The following CAMK2D variants were observed in gnomAD, a reference collection of about 807,000 sequenced individuals.
The protein encoded by CAMK2D is calcium/calmodulin dependent protein kinase II delta.
In CAMK2D, 37 loss-of-function variants were observed where a neutral mutation model predicts 84.0. The ratio of observed to expected loss-of-function variants is 0.44; its 90% CI spans 0.34 to 0.58. CAMK2D has a LOEUF of 0.58. Among genes scored for constraint, CAMK2D ranks in the 20% least tolerant of loss-of-function variants. The probability of loss-of-function intolerance (pLI) is 0.02; values close to 1 mark genes in which losing one functional copy is unlikely to be tolerated. For synonymous variants in CAMK2D, 202 were observed against 212.5 expected, an observed-to-expected ratio of 0.95 and a Z score of 0.43; for missense variants, 448 against 652.5, an observed-to-expected ratio of 0.69 and a Z score of 3.41.
At chr4:113,637,861 TA>T (rs1429358338) in intron 3 of CAMK2D, among the ~76,000 whole-genome samples, 1 of 152,084 alleles carries the variant, frequency 6.6e-6, no homozygotes, top group African/African-American at 2.4e-5. Flanking sequence ...TTTGAAATAA[TA>T]ATAAATACTA....
intron 3 of CAMK2D, among the ~76,000 whole-genome samples, chr4:113,646,406 A>G (rs1487150425): frequency 6.6e-6 from 1 of 152,206 alleles, no homozygotes; most frequent in East Asian, 1.9e-4. Flanking sequence ...CAACAAGTAA[A>G]TATACAAAAT....
chr4:113,714,708 C>G (rs376935808), intron 2 of CAMK2D, among the ~76,000 whole-genome samples: 1 of 152,104 alleles, frequency 6.6e-6, no homozygotes, highest in South Asian at 2.1e-4. Flanking sequence ...TCTACAATTG[C>G]CACTCTTTGT....
chr4:113,632,726 T>C (rs996596989), intron 3 of CAMK2D, among the ~76,000 whole-genome samples: 2 of 152,188 alleles, frequency 1.3e-5, no homozygotes, highest in Non-Finnish European at 2.9e-5. Flanking sequence ...TAGCATAATA[T>C]AGTCAGTAAA....
intron 2 of CAMK2D, among the ~76,000 whole-genome samples, chr4:113,702,681 G>A (rs927631958): frequency 6.6e-6 from 1 of 152,152 alleles, no homozygotes. Context: ...GGCTGAGGCA[G>A]GTGGATTACT....
chr4:113,629,543 C>T (rs1238546725), intron 3 of CAMK2D, among the ~76,000 whole-genome samples: 1 of 151,830 alleles, frequency 6.6e-6, no homozygotes, highest in Non-Finnish European at 1.5e-5. Flanking sequence ...CTTAATCTTA[C>T]TACATGTAAT....
chr4:113,560,756 C>T (rs1207286225), intron 4 of CAMK2D, among the ~76,000 whole-genome samples: 1 of 152,170 alleles, frequency 6.6e-6, no homozygotes, highest in Admixed American at 6.5e-5. Flanking sequence ...CTTGCTGCAT[C>T]TTGTCACTTA....
chr4:113,574,125 G>A (rs764519426), intron 4 of CAMK2D, among the ~76,000 whole-genome samples: 3 of 152,068 alleles, frequency 2.0e-5, no homozygotes, highest in Admixed American at 1.3e-4. Context: ...TCCGTACTGT[G>A]GCATCCAGTG....
intron 3 of CAMK2D, among the ~76,000 whole-genome samples, chr4:113,639,080 CAAA>C (rs779226375): frequency 1.1e-4 from 14 of 127,288 alleles, no homozygotes; most frequent in Non-Finnish European, 1.0e-4. Context: ...TTGCCTCTAC[CAAA>C]AAAAAAAAAA....
intron 3 of CAMK2D, among the ~76,000 whole-genome samples, chr4:113,633,360 T>A (rs2099097747): frequency 6.6e-6 from 1 of 152,282 alleles, no homozygotes; most frequent in East Asian, 1.9e-4. Context: ...GTATTAATAT[T>A]TTCAAAGGAC....
chr4:113,494,461 G>T (rs1235260024), intron 16 of CAMK2D, among the ~76,000 whole-genome samples: 1 of 152,148 alleles, frequency 6.6e-6, no homozygotes, highest in Admixed American at 6.5e-5. Flanking sequence ...CGGGGGTCAG[G>T]GGTCAGGGAC....
intron 11 of CAMK2D, 146 bp from the exon 12 acceptor site, chr4:113,513,516 C>T (rs1488857655): frequency 4.4e-6 from 3 of 684,592 alleles, no homozygotes; most frequent in Non-Finnish European, 7.8e-6. Flanking sequence ...TTTTGGTTTC[C>T]TGAGAGTCAA....
intron 13 of CAMK2D, among the ~76,000 whole-genome samples, chr4:113,505,397 C>T (rs1322222831): frequency 6.6e-6 from 1 of 152,190 alleles, no homozygotes; most frequent in Non-Finnish European, 1.5e-5. Context: ...CAATTGTTCA[C>T]AGTTATAAAT....
At chr4:113,622,918 T>C (rs1451402551) in intron 3 of CAMK2D, among the ~76,000 whole-genome samples, 1 of 152,212 alleles carries the variant, frequency 6.6e-6, no homozygotes, top group Non-Finnish European at 1.5e-5. Context: ...TATTTGCTAT[T>C]GATTAGGCTT....
At chr4:113,682,003 T>G (rs1195238485) in intron 2 of CAMK2D, among the ~76,000 whole-genome samples, 1 of 152,180 alleles carries the variant, frequency 6.6e-6, no homozygotes, top group Non-Finnish European at 1.5e-5. Flanking sequence ...AGAAAAAGCA[T>G]GGGATACAGG....
chr4:113,751,276 A>C (rs1217622027), intron 2 of CAMK2D, among the ~76,000 whole-genome samples: 1 of 152,186 alleles, frequency 6.6e-6, no homozygotes. Flanking sequence ...TTGCCTCAAA[A>C]AAATGCAAAA....
chr4:113,700,576 A>G lies in CAMK2D; in HGVS notation c.161-38804T>C, dbSNP rs747789781. On this transcript the variant is annotated intron_variant, in intron 2 of 20. Transcript: ENST00000511664. ...GAAAAAACAACAAAAATAAAAAAACACTTTCCTCAAAACCAGAGTAGTGTA... is the reference window on the plus strand; with the variant it reads ...GAAAAAACAACAAAAATAAAAAAACGCTTTCCTCAAAACCAGAGTAGTGTA... Among the ~76,000 whole-genome samples the G allele has an allele frequency of 7.2e-5, 11 of 152,254 alleles. No homozygotes were observed. In the East Asian group the frequency reaches 1.5e-3, roughly 21 times the overall value.
At chr4:113,662,278 G>A (rs2099236886) in intron 2 of CAMK2D, among the ~76,000 whole-genome samples, 1 of 152,100 alleles carries the variant, frequency 6.6e-6, no homozygotes, top group South Asian at 2.1e-4. Context: ...GGTATATGAT[G>A]CTCTTCCTAA....
At chr4:113,465,198 A>G (rs1474709460) in intron 17 of CAMK2D, among the ~76,000 whole-genome samples, 3 of 151,948 alleles carry the variant, frequency 2.0e-5, no homozygotes, top group African/African-American at 7.3e-5. Context: ...ATGCCTGACT[A>G]ATTTTTAAAC....
intron 2 of CAMK2D, among the ~76,000 whole-genome samples, chr4:113,738,475 C>T (rs1262942625): frequency 1.3e-5 from 2 of 151,960 alleles, no homozygotes; most frequent in Admixed American, 1.3e-4. Flanking sequence ...GTAGACTTAC[C>T]AACCTGATTT....
Sources: gnomAD v4.1 joint callset for allele counts (sites outside exome capture counted in the v4.1 genomes callset) on GRCh38, gnomAD v4.1.1 for gene constraint, MANE v1.5 for transcripts, NCBI Gene and HGNC (gene_info 2026-07-23, HGNC 2026-07-21) for gene names.